TNFRSF11A: variants seen among roughly 807,000 people sequenced by gnomAD.
The protein encoded by TNFRSF11A is tumor necrosis factor receptor superfamily member 11A.
A neutral mutation model predicts 55.7 loss-of-function variants in TNFRSF11A; 32 were observed. That is an observed-to-expected ratio of 0.57 (90% CI 0.43 to 0.77). TNFRSF11A has a LOEUF of 0.77. Among genes scored for constraint, TNFRSF11A ranks in the 30% least tolerant of loss-of-function variants. The probability of loss-of-function intolerance (pLI) is 0.00; values close to 1 mark genes in which losing one functional copy is unlikely to be tolerated. For synonymous variants in TNFRSF11A, 311 were observed against 331.0 expected (o/e 0.94, Z 0.65); for missense variants, 753 against 809.8 (o/e 0.93, Z 0.85).
chr18:62,349,671 C>T, intron 2 of TNFRSF11A, 141 bp from the exon 3 acceptor site: 2 of 963,914 alleles, frequency 2.1e-6, no homozygotes, highest in Non-Finnish European at 1.6e-6. Flanking sequence ...GTCATATTGT[C>T]TTTGGGGGGT....
At chr18:62,359,844 C>T (rs746820216) in intron 5 of TNFRSF11A, 111 bp from the exon 6 acceptor site, 18 of 869,236 alleles carry the variant, frequency 2.1e-5, no homozygotes, top group Non-Finnish European at 3.1e-5. Context: ...TCCAAGAAGG[C>T]GTGGGTTCCT....
At position 62,390,730 on chromosome 18, in the gene TNFRSF11A, T is replaced by C. The variant is rs920012304; in HGVS notation, c.*5696T>C. On this transcript the variant is annotated 3_prime_UTR_variant, in exon 10 of 10. Transcript: ENST00000586569. ...CTAAAATGAAGAAGCAAATCCATTTTTATTGGCTTTTATAGCCTCTCTCTT... is the reference window on the plus strand; with the variant it reads ...CTAAAATGAAGAAGCAAATCCATTTCTATTGGCTTTTATAGCCTCTCTCTT... The C allele has an allele frequency of 1.6e-4, 24 of 152,344 alleles. No individual in the cohort carries two copies. Among genetic ancestry groups the C allele is most frequent in the African/African-American group, 5.8e-4 (24 of 41,578 alleles). 9.4% of individuals were successfully genotyped at this position (152,344 alleles called of 1,614,324 possible). A position where few individuals can be genotyped will look rare whatever the true frequency, so the allele number is the denominator to read the frequency against.
intron 1 of TNFRSF11A, among the ~76,000 whole-genome samples, chr18:62,327,056 A>G (rs2046086110): frequency 6.6e-6 from 1 of 152,066 alleles, no homozygotes; most frequent in Admixed American, 6.6e-5. Flanking sequence ...TTGGGGAGGA[A>G]GCATATGGTG....
chr18:62,346,625 T>G lies in TNFRSF11A; in HGVS notation c.76-1543T>G, dbSNP rs2046387824. Among the ~76,000 whole-genome samples the G allele has an allele frequency of 3.3e-5, 5 of 152,152 alleles. No individual in the cohort carries two copies. In the South Asian group the frequency reaches 1.0e-3, roughly 32 times the overall value. ...ATCACCTCAATAACACACTGGGACC[T>G]TCTCATCGACCTCAGCCTCCTCATA... On this transcript the variant is annotated intron_variant, in intron 1 of 9. Coordinates refer to ENST00000586569, the MANE Select transcript of TNFRSF11A (RefSeq NM_003839.4).
rs1491463799 is a variant in TNFRSF11A, at chr18:62,385,344, G to GGA, written c.*311_*312insAG. ...TATTTTTATGACTATCCTGTTCTGT[G>GGA]GGGGGGGGGGTCTGTTTTCCCCCCA... On this transcript the variant is annotated 3_prime_UTR_variant, in exon 10 of 10. Coordinates refer to ENST00000586569, the MANE Select transcript of TNFRSF11A (RefSeq NM_003839.4). 1.8e-3 allele frequency: 143 copies of GGA among 77,358 alleles called. 1 individual carries two copies. Among genetic ancestry groups the GGA allele is most frequent in the African/African-American group, 7.2e-3 (138 of 19,202 alleles). The allele number at this position is 77,358 out of a possible 1,614,324, so 4.8% of individuals were successfully genotyped here.
chr18:62,369,354 C>T lies in TNFRSF11A; in HGVS notation c.1437C>T (p.Pro479=). Residue 479 remains proline, a synonymous_variant, in exon 9 of 10, where the codon CCC becomes CCT. Coordinates refer to ENST00000586569, the MANE Select transcript of TNFRSF11A (RefSeq NM_003839.4). ...LPQCAYGMGL[P]PEEEASRTEA... ...AGTGCGCCTATGGCATGGGCCTTCC[C>T]CCTGAAGAAGAAGCCAGCAGGACGG... The T allele has an allele frequency of 1.2e-6, 2 of 1,610,250 alleles. No individual in the cohort carries two copies. Among genetic ancestry groups the T allele is most frequent in the Non-Finnish European group, 1.7e-6 (2 of 1,178,738 alleles).
intron 9 of TNFRSF11A, 51 bp downstream of exon 9, chr18:62,369,535 T>C: frequency 6.3e-7 from 1 of 1,595,546 alleles, no homozygotes; most frequent in South Asian, 1.1e-5. Context: ...CAGTTCTTGG[T>C]ACAGGGTTTG....
intron 3 of TNFRSF11A, among the ~76,000 whole-genome samples, chr18:62,350,465 T>C (rs2046450862): frequency 6.6e-6 from 1 of 152,086 alleles, no homozygotes; most frequent in South Asian, 2.1e-4. Flanking sequence ...GCTAATTTTT[T>C]GTACTTTTAG....
intron 9 of TNFRSF11A, among the ~76,000 whole-genome samples, chr18:62,375,868 A>G (rs570744314): frequency 6.6e-6 from 1 of 152,210 alleles, no homozygotes; most frequent in East Asian, 1.9e-4. Context: ...ATGTGGTAGC[A>G]TGTACCTGTA....
intron 1 of TNFRSF11A, among the ~76,000 whole-genome samples, chr18:62,345,042 C>A (rs922063775): frequency 6.6e-6 from 1 of 152,204 alleles, no homozygotes; most frequent in Non-Finnish European, 1.5e-5. Flanking sequence ...AGGTACCTGG[C>A]AAAGCAAGAC....
intron 9 of TNFRSF11A, among the ~76,000 whole-genome samples, chr18:62,381,521 T>C (rs1184171063): frequency 6.6e-6 from 1 of 152,198 alleles, no homozygotes; most frequent in Non-Finnish European, 1.5e-5. Flanking sequence ...CATCATACAG[T>C]GGCTGGAGAT....
intron 9 of TNFRSF11A, among the ~76,000 whole-genome samples, chr18:62,384,097 T>C (rs1334323649): frequency 1.3e-5 from 2 of 152,028 alleles, no homozygotes; most frequent in Admixed American, 6.6e-5. Flanking sequence ...ATACACTCTC[T>C]CTCTCTTTTG....
At chr18:62,382,849 T>A (rs892129633) in intron 9 of TNFRSF11A, among the ~76,000 whole-genome samples, 2 of 152,250 alleles carry the variant, frequency 1.3e-5, no homozygotes, top group Admixed American at 6.5e-5. Context: ...TGCAAAGCAT[T>A]CACTTTAGTT....
intron 9 of TNFRSF11A, among the ~76,000 whole-genome samples, chr18:62,376,195 C>T (rs1341709911): frequency 6.6e-6 from 1 of 151,850 alleles, no homozygotes; most frequent in Non-Finnish European, 1.5e-5. Context: ...CTCTCTTCTG[C>T]CAGTTGTCTT....
intron 9 of TNFRSF11A, among the ~76,000 whole-genome samples, chr18:62,371,578 G>A (rs907886991): frequency 2.0e-5 from 3 of 152,078 alleles, no homozygotes; most frequent in East Asian, 1.9e-4. Flanking sequence ...TTCTGTCTTC[G>A]TCTGGTGCTT....
At chr18:62,352,698 C>T (rs1351398748) in intron 3 of TNFRSF11A, among the ~76,000 whole-genome samples, 2 of 152,188 alleles carry the variant, frequency 1.3e-5, no homozygotes, top group Admixed American at 6.5e-5. Flanking sequence ...TGTCTGTGGA[C>T]GTTCCCATGT....
chr18:62,368,832 T>G lies in TNFRSF11A; in HGVS notation c.915T>G (p.Gly305=). 6.2e-7 allele frequency: 1 copy of G among 1,614,172 alleles called. No individual in the cohort carries two copies. The part of the protein sequence containing the change: ...FPEDMCYPDQ[G]GVCQGTCVGG... Reference sequence around the variant, plus strand: ...AAGATATGTGCTACCCAGATCAAGGTGGTGTCTGTCAGGGCACATGTGTAG... The same window carrying G: ...AAGATATGTGCTACCCAGATCAAGGGGGTGTCTGTCAGGGCACATGTGTAG... Residue 305 remains glycine, a synonymous_variant, in exon 9 of 10, where the codon GGT becomes GGG. Transcript: ENST00000586569.
At chr18:62,374,784 A>C (rs1910776224) in intron 9 of TNFRSF11A, among the ~76,000 whole-genome samples, 1 of 152,258 alleles carries the variant, frequency 6.6e-6, no homozygotes, top group African/African-American at 2.4e-5. Flanking sequence ...TATGATGGGA[A>C]ACATCACTGA....
At chr18:62,382,878 A>AT (rs1022590650) in intron 9 of TNFRSF11A, among the ~76,000 whole-genome samples, 4 of 151,880 alleles carry the variant, frequency 2.6e-5, no homozygotes, top group African/African-American at 9.7e-5. Flanking sequence ...AACATTTCCC[A>AT]TTTTTTCTCA....
Sources: allele counts gnomAD v4.1 joint callset (sites outside exome capture counted in the v4.1 genomes callset), GRCh38; gene constraint gnomAD v4.1.1; transcripts MANE v1.5; gene names NCBI Gene and HGNC (gene_info 2026-07-23, HGNC 2026-07-21).